Variants in TNIK observed in about 807,000 individuals in gnomAD.
The protein encoded by TNIK is TRAF2 and NCK interacting kinase.
Under a neutral mutation model 191.3 loss-of-function variants are expected in TNIK, and 49 were observed. The ratio of observed to expected loss-of-function variants is 0.26; its 90% CI spans 0.20 to 0.32. TNIK has a LOEUF of 0.32. Ranked by LOEUF, TNIK falls within the 10% of genes least tolerant of loss-of-function variation. TNIK has a pLI of 1.00. For missense variants in TNIK, 1,155 were observed against 1,702.3 expected, an observed-to-expected ratio of 0.68 and a Z score of 5.66; for synonymous variants, 594 against 600.9, an observed-to-expected ratio of 0.99 and a Z score of 0.17.
In TNIK at chr3:171,074,298, G is replaced by C. The variant is rs553396399; in HGVS notation, c.3449-2975C>G. On this transcript the variant is annotated intron_variant, in intron 28 of 32. Transcript: ENST00000436636. ...TCAACACATGTTCTCACTTATAAGTGGAAGCTAACAATGGGGTGCACATGG... is the reference window on the plus strand; with the variant it reads ...TCAACACATGTTCTCACTTATAAGTCGAAGCTAACAATGGGGTGCACATGG... Among the ~76,000 whole-genome samples the C allele has an allele frequency of 4.6e-5, 7 of 152,224 alleles. No homozygotes were observed. In the South Asian group the frequency reaches 1.5e-3, roughly 32 times the overall value.
At chr3:171,302,939 T>A (rs1044756947) in intron 2 of TNIK, among the ~76,000 whole-genome samples, 2 of 152,178 alleles carry the variant, frequency 1.3e-5, no homozygotes, top group African/African-American at 4.8e-5. Flanking sequence ...TCATAAACAG[T>A]CTTTCCAGTT....
Position 171,182,004 on chromosome 3 carries a change from A to G in TNIK, c.640-4624T>C, listed in dbSNP as rs983698385. Among the ~76,000 whole-genome samples the G allele has an allele frequency of 3.3e-5, 5 of 152,050 alleles. 1 individual carries two copies. The East Asian group carries it at 5.8e-4, about 18-fold the overall frequency. On this transcript the variant is annotated intron_variant, in intron 7 of 32. Coordinates refer to ENST00000436636, the MANE Select transcript of TNIK (RefSeq NM_015028.4). ...AAAATATGTACTTTATTTAGTACAC[A>G]TCACCTCAGAATCCCTCTTGGGCAG...
intron 3 of TNIK, among the ~76,000 whole-genome samples, chr3:171,224,282 C>T (rs374723077): frequency 7.2e-5 from 11 of 152,158 alleles, no homozygotes; most frequent in East Asian, 3.9e-4. Flanking sequence ...GTTTGAGTGG[C>T]GGTTTGGTAC....
chr3:171,228,360 A>G, intron 2 of TNIK, 139 bp from the exon 3 acceptor site: 1 of 781,472 alleles, frequency 1.3e-6, no homozygotes. Flanking sequence ...CACACACAGA[A>G]ACACCATGTC....
chr3:171,172,836 C>G (rs986748270), intron 9 of TNIK, among the ~76,000 whole-genome samples: 1 of 152,200 alleles, frequency 6.6e-6, no homozygotes, highest in Non-Finnish European at 1.5e-5. Flanking sequence ...TTGGCCTGGA[C>G]TTCTCAGTGT....
At chr3:171,150,122 T>C (rs1227966804) in intron 12 of TNIK, among the ~76,000 whole-genome samples, 1 of 152,190 alleles carries the variant, frequency 6.6e-6, no homozygotes, top group Non-Finnish European at 1.5e-5. Flanking sequence ...TTGCCTAGGC[T>C]TCATTCAGCT....
At chr3:171,100,568 T>C (rs1723334034) in intron 22 of TNIK, among the ~76,000 whole-genome samples, 1 of 152,010 alleles carries the variant, frequency 6.6e-6, no homozygotes, top group African/African-American at 2.4e-5. Context: ...TAGAGGTGAT[T>C]GAAGTGTGAA....
At chr3:171,398,490 C>A (rs1019943865) in intron 1 of TNIK, among the ~76,000 whole-genome samples, 2 of 152,196 alleles carry the variant, frequency 1.3e-5, no homozygotes, top group African/African-American at 4.8e-5. Context: ...TATCTCTAAA[C>A]AGCTGACAAA....
intron 1 of TNIK, among the ~76,000 whole-genome samples, chr3:171,411,444 C>T (rs1204349156): frequency 6.6e-6 from 1 of 151,678 alleles, no homozygotes; most frequent in Non-Finnish European, 1.5e-5. Flanking sequence ...TGATCACTGG[C>T]AATCATCAAA....
chr3:171,410,798 A>C (rs1273340548), intron 1 of TNIK, among the ~76,000 whole-genome samples: 1 of 151,232 alleles, frequency 6.6e-6, no homozygotes, highest in African/African-American at 2.4e-5. Flanking sequence ...AAAAAAAAAA[A>C]AAAAAGACTT....
intron 1 of TNIK, among the ~76,000 whole-genome samples, chr3:171,434,651 G>T (rs187673200): frequency 6.6e-6 from 1 of 151,644 alleles, no homozygotes; most frequent in African/African-American, 2.4e-5. Flanking sequence ...TTAGAGACAG[G>T]GTCTTTCTAT....
chr3:171,351,269 A>ATGTGTGTG (rs140083535), intron 2 of TNIK, among the ~76,000 whole-genome samples: 1,626 of 146,952 alleles, frequency 0.011, 29 homozygotes, highest in African/African-American at 0.037. Context: ...ATATATGTAT[A>ATGTGTGTG]TATGTGTGTG....
At chr3:171,101,407 C>T in intron 22 of TNIK, 42 bp downstream of exon 22, 1 of 1,544,998 alleles carries the variant, frequency 6.5e-7, no homozygotes, top group Non-Finnish European at 8.7e-7. Flanking sequence ...TTTTGGAAAC[C>T]TAGTCCCCTC....
chr3:171,169,889 T>C (rs1372198687), intron 9 of TNIK, among the ~76,000 whole-genome samples: 1 of 152,222 alleles, frequency 6.6e-6, no homozygotes, highest in African/African-American at 2.4e-5. Context: ...GCTGGTAATA[T>C]ATTTCATATC....
intron 1 of TNIK, among the ~76,000 whole-genome samples, chr3:171,420,513 C>G (rs1723659602): frequency 6.6e-6 from 1 of 152,082 alleles, no homozygotes; most frequent in African/African-American, 2.4e-5. Context: ...CACAGAATAG[C>G]TATGAGTGCA....
intron 1 of TNIK, among the ~76,000 whole-genome samples, chr3:171,370,578 CA>C (rs768873378): frequency 6.6e-6 from 1 of 152,134 alleles, no homozygotes; most frequent in Non-Finnish European, 1.5e-5. Flanking sequence ...CTAGGAGTCA[CA>C]AACTTAAATG....
At chr3:171,201,812 C>CTATCTATCTATCTATA (rs201257015) in intron 4 of TNIK, among the ~76,000 whole-genome samples, 1 of 152,102 alleles carries the variant, frequency 6.6e-6, no homozygotes, top group Non-Finnish European at 1.5e-5. Flanking sequence ...ATCTATCTAT[C>CTATCTATCTATCTATA]TATATATAAA....
intron 2 of TNIK, among the ~76,000 whole-genome samples, chr3:171,241,831 G>A (rs1377730230): frequency 1.3e-5 from 2 of 152,122 alleles, no homozygotes; most frequent in Non-Finnish European, 1.5e-5. Context: ...GGAATACTAT[G>A]CAGCCATAAA....
chr3:171,343,349 C>G (rs1203125064), intron 2 of TNIK, among the ~76,000 whole-genome samples: 2 of 152,122 alleles, frequency 1.3e-5, no homozygotes, highest in Non-Finnish European at 2.9e-5. Context: ...TGAGACTAAA[C>G]TAGAGAAATC....
Sources: gnomAD v4.1 joint callset for allele counts (sites outside exome capture counted in the v4.1 genomes callset) on GRCh38, gnomAD v4.1.1 for gene constraint, MANE v1.5 for transcripts, NCBI Gene and HGNC (gene_info 2026-07-23, HGNC 2026-07-21) for gene names.